ST3GAL3: variants seen among roughly 807,000 people sequenced by gnomAD.
ST3GAL3 encodes CMP-N-acetylneuraminate-beta-1,4-galactoside alpha-2,3-sialyltransferase.
Under a neutral mutation model 50.1 loss-of-function variants are expected in ST3GAL3, and 21 were observed. The ratio of observed to expected loss-of-function variants is 0.42; its 90% CI spans 0.30 to 0.60. ST3GAL3 has a LOEUF of 0.60. ST3GAL3 is among the 20% of genes least tolerant of loss of function. The probability of loss-of-function intolerance (pLI) is 0.19; values close to 1 mark genes in which losing one functional copy is unlikely to be tolerated. For synonymous variants in ST3GAL3, 183 were observed against 190.0 expected (o/e 0.96, Z 0.30); for missense variants, 353 against 489.4 (o/e 0.72, Z 2.63).
intron 5 of ST3GAL3, among the ~76,000 whole-genome samples, chr1:43,882,687 C>CTCTACTGTTGTAGG (rs1553426742): frequency 1.3e-5 from 2 of 152,204 alleles, no homozygotes; most frequent in African/African-American, 4.8e-5. Context: ...TGTCACAAGT[C>CTCTACTGTTGTAGG]TCTACTGTTG....
At chr1:43,901,547 G>A (rs2078275498) in intron 9 of ST3GAL3, among the ~76,000 whole-genome samples, 1 of 152,238 alleles carries the variant, frequency 6.6e-6, no homozygotes, top group Non-Finnish European at 1.5e-5. Context: ...AGAAGAAAAG[G>A]AAGGAAGCCA....
chr1:43,914,614 G>A (rs761773526), intron 9 of ST3GAL3: 2 of 152,372 alleles, frequency 1.3e-5, no homozygotes, highest in Admixed American at 1.3e-4. Context: ...GAAAGTTAAA[G>A]AGATAATAAA....
intron 9 of ST3GAL3, among the ~76,000 whole-genome samples, chr1:43,905,422 T>G (rs1459172455): frequency 9.2e-4 from 45 of 48,842 alleles, no homozygotes; most frequent in Non-Finnish European, 1.3e-3. Context: ...TCCTGCCACT[T>G]TTCCTCCCCC....
At chr1:43,918,164 T>C (rs1202481469) in intron 9 of ST3GAL3, among the ~76,000 whole-genome samples, 1 of 135,370 alleles carries the variant, frequency 7.4e-6, no homozygotes, top group African/African-American at 2.8e-5. Context: ...TCACCCAGGC[T>C]GGAGTGTGCA....
chr1:43,718,153 G>A (rs1436539053), intron 1 of ST3GAL3, among the ~76,000 whole-genome samples: 3 of 147,882 alleles, frequency 2.0e-5, no homozygotes, highest in East Asian at 2.0e-4. Context: ...GATTAGAGGC[G>A]TGAACCACCA....
At chr1:43,895,179 G>A (rs2077219541) in intron 6 of ST3GAL3, among the ~76,000 whole-genome samples, 1 of 152,124 alleles carries the variant, frequency 6.6e-6, no homozygotes. Flanking sequence ...TCCCCCAGGA[G>A]TGCCCCACGT....
chr1:43,870,482 G>A (rs2072421621), intron 5 of ST3GAL3, among the ~76,000 whole-genome samples: 1 of 152,220 alleles, frequency 6.6e-6, no homozygotes, highest in South Asian at 2.1e-4. Flanking sequence ...GAAGGGGCTG[G>A]AGTCAGGCTG....
intron 3 of ST3GAL3, 140 bp from the exon 4 acceptor site, chr1:43,814,751 T>C: frequency 1.2e-6 from 1 of 835,606 alleles, no homozygotes; most frequent in Non-Finnish European, 2.1e-6. Context: ...GGTTTATGTA[T>C]TTAGTTACGT....
chr1:43,861,080 A>T (rs2069811766), intron 5 of ST3GAL3, among the ~76,000 whole-genome samples: 1 of 152,198 alleles, frequency 6.6e-6, no homozygotes. Context: ...CTCAGCAAAG[A>T]TGGAATACAG....
At chr1:43,747,577 T>C (rs938435055) in intron 2 of ST3GAL3, among the ~76,000 whole-genome samples, 3 of 147,398 alleles carry the variant, frequency 2.0e-5, no homozygotes, top group Non-Finnish European at 4.5e-5. Flanking sequence ...TTTTTTTTTT[T>C]TTTTTTTGAG....
intron 11 of ST3GAL3, chr1:43,921,556 T>G (rs1636876): frequency 0.86 from 342,855 of 399,302 alleles, 150,574 homozygotes; most frequent in Non-Finnish European, 0.93. Context: ...TTGGGCCAGT[T>G]CTTCAACAGC....
intron 9 of ST3GAL3, among the ~76,000 whole-genome samples, chr1:43,905,876 T>C (rs2079426836): frequency 7.8e-6 from 1 of 127,502 alleles, no homozygotes; most frequent in Non-Finnish European, 1.7e-5. Flanking sequence ...ATCCTCCTGT[T>C]TCCTTTCCCG....
chr1:43,765,433 G>C (rs76773247), intron 2 of ST3GAL3, among the ~76,000 whole-genome samples: 117 of 152,278 alleles, frequency 7.7e-4, no homozygotes, highest in Non-Finnish European at 1.3e-3. Flanking sequence ...ACTGAGAGGA[G>C]GCCACGTAGC....
At chr1:43,898,885 A>C (rs570032577) in intron 7 of ST3GAL3, among the ~76,000 whole-genome samples, 1 of 152,046 alleles carries the variant, frequency 6.6e-6, no homozygotes, top group Non-Finnish European at 1.5e-5. Flanking sequence ...ATCTTACCAA[A>C]GCTCCCTCCT....
chr1:43,917,436 CATATATAATATATAATATATAAT>C lies in ST3GAL3; in HGVS notation c.745-2946_745-2924del, dbSNP rs1454264763. Reference sequence around the variant, plus strand: ...TTGTTTCCCTCTCTATACTATCTTGCATATATAATATATAATATATAATATATATAATATATAATATATATAAT... The same window carrying C: ...TTGTTTCCCTCTCTATACTATCTTGCATATATAATATATAATATATATAAT... On this transcript the variant is annotated intron_variant, in intron 9 of 11. Coordinates refer to ENST00000347631, the MANE Select transcript of ST3GAL3 (RefSeq NM_006279.5). Among the ~76,000 whole-genome samples the C allele has an allele frequency of 6.4e-3, 621 of 97,236 alleles. 7 individuals carry two copies. Among genetic ancestry groups the C allele is most frequent in the African/African-American group, 0.016 (391 of 24,966 alleles). The allele number at this position is 97,236 out of a possible 152,430, so 63.8% of individuals were successfully genotyped here.
chr1:43,772,726 T>G (rs1183802692), intron 2 of ST3GAL3: 1 of 152,108 alleles, frequency 6.6e-6, no homozygotes, highest in Admixed American at 6.6e-5. Context: ...GAAATACTTT[T>G]TCTTGGCAGA....
intron 4 of ST3GAL3, among the ~76,000 whole-genome samples, chr1:43,830,787 C>T (rs2063444874): frequency 6.6e-6 from 1 of 152,202 alleles, no homozygotes; most frequent in Admixed American, 6.5e-5. Flanking sequence ...CCTGAAGTCT[C>T]TTGACCTCCC....
chr1:43,921,913 A>G (rs532307072), intron 11 of ST3GAL3: 18 of 397,456 alleles, frequency 4.5e-5, no homozygotes, highest in African/African-American at 2.5e-4. Context: ...ATTCCAGTGG[A>G]CACAACGTCA....
intron 4 of ST3GAL3, 129 bp downstream of exon 4, chr1:43,815,062 G>A: frequency 1.1e-6 from 1 of 936,340 alleles, no homozygotes; most frequent in Non-Finnish European, 1.8e-6. Flanking sequence ...CTGTCCTCAG[G>A]CTGTCAGCAG....
Sources: gnomAD v4.1 joint callset for allele counts (sites outside exome capture counted in the v4.1 genomes callset) on GRCh38, gnomAD v4.1.1 for gene constraint, MANE v1.5 for transcripts, NCBI Gene and HGNC (gene_info 2026-07-23, HGNC 2026-07-21) for gene names.